Variants in PPME1 observed in about 807,000 individuals in gnomAD.
The protein encoded by PPME1 is testicular secretory protein Li 39.
Under a neutral mutation model 56.9 loss-of-function variants are expected in PPME1, and 17 were observed. The ratio of observed to expected loss-of-function variants is 0.30; its 90% CI spans 0.20 to 0.45. PPME1 has a LOEUF of 0.45. Ranked by LOEUF, PPME1 falls within the 20% of genes least tolerant of loss-of-function variation. PPME1 has a pLI of 1.00. For synonymous variants in PPME1, 122 were observed against 156.2 expected, an observed-to-expected ratio of 0.78 and a Z score of 1.63; for missense variants, 357 against 483.2, an observed-to-expected ratio of 0.74 and a Z score of 2.45.
intron 1 of PPME1, among the ~76,000 whole-genome samples, chr11:74,191,527 A>C (rs1247286041): frequency 2.0e-5 from 3 of 152,194 alleles, no homozygotes; most frequent in Non-Finnish European, 4.4e-5. Flanking sequence ...CAAGGTTTCA[A>C]AGTTGTTTCA....
intron 7 of PPME1, among the ~76,000 whole-genome samples, chr11:74,234,853 GAC>G (rs1859153152): frequency 6.6e-6 from 1 of 152,180 alleles, no homozygotes; most frequent in African/African-American, 2.4e-5. Context: ...GAAAAAAAGT[GAC>G]ACAGAAGAGA....
intron 11 of PPME1, chr11:74,249,632 T>C (rs1324304266): frequency 6.6e-6 from 1 of 152,226 alleles, no homozygotes; most frequent in African/African-American, 2.4e-5. Flanking sequence ...GACTTAAGCA[T>C]CTACTCAGTG....
At chr11:74,181,093 G>A (rs530668828) in intron 1 of PPME1, among the ~76,000 whole-genome samples, 50 of 145,158 alleles carry the variant, frequency 3.4e-4, no homozygotes, top group African/African-American at 1.0e-3. Flanking sequence ...GTCGGACTGC[G>A]GACTGCAGTG....
chr11:74,236,119 C>T (rs1859183856), intron 8 of PPME1, 153 bp downstream of exon 8: 1 of 1,266,716 alleles, frequency 7.9e-7, no homozygotes, highest in African/African-American at 1.5e-5. Flanking sequence ...TTGGGACAGA[C>T]ATAGATTTTC....
intron 7 of PPME1, among the ~76,000 whole-genome samples, chr11:74,234,504 C>T (rs1244736926): frequency 1.3e-5 from 2 of 152,010 alleles, no homozygotes; most frequent in East Asian, 3.9e-4. Context: ...AAAGGAAAAC[C>T]AGGTGAGTAT....
At chr11:74,195,563 C>A (rs1857959395) in intron 1 of PPME1, among the ~76,000 whole-genome samples, 1 of 152,182 alleles carries the variant, frequency 6.6e-6, no homozygotes, top group South Asian at 2.1e-4. Context: ...CATGTGTCTA[C>A]AAACATTCTT....
intron 8 of PPME1, chr11:74,238,531 AAAGG>A (rs1482594668): frequency 6.6e-6 from 1 of 152,070 alleles, no homozygotes; most frequent in Non-Finnish European, 1.5e-5. Flanking sequence ...AGTTCTCTCT[AAAGG>A]AAGTATGGTA....
At chr11:74,245,584 C>G (rs949508859) in intron 9 of PPME1, among the ~76,000 whole-genome samples, 7 of 152,138 alleles carry the variant, frequency 4.6e-5, no homozygotes, top group Admixed American at 6.5e-5. Context: ...AAAAAATGCT[C>G]TACTGACAAA....
chr11:74,183,524 T>A (rs1857594794), intron 1 of PPME1, among the ~76,000 whole-genome samples: 1 of 152,134 alleles, frequency 6.6e-6, no homozygotes, highest in Non-Finnish European at 1.5e-5. Flanking sequence ...ATTATATATA[T>A]GTCTCCATAA....
At chr11:74,200,314 C>A (rs1336152583) in intron 1 of PPME1, among the ~76,000 whole-genome samples, 2 of 151,294 alleles carry the variant, frequency 1.3e-5, no homozygotes, top group Non-Finnish European at 2.9e-5. Context: ...ATACTAGTTA[C>A]AAAATTAATT....
intron 8 of PPME1, 44 bp downstream of exon 8, chr11:74,236,010 A>G (rs1376288648): frequency 2.5e-6 from 4 of 1,596,818 alleles, no homozygotes; most frequent in Admixed American, 3.5e-5. Context: ...AGGCGGAAAC[A>G]TGGTGAGGGA....
intron 1 of PPME1, among the ~76,000 whole-genome samples, chr11:74,193,192 A>G (rs1484817205): frequency 1.3e-5 from 2 of 152,234 alleles, no homozygotes; most frequent in Non-Finnish European, 2.9e-5. Context: ...GAATAAGTGT[A>G]ATAAAAATGA....
chr11:74,218,253 AGAG>A (rs1302522635), intron 3 of PPME1, among the ~76,000 whole-genome samples: 2 of 152,182 alleles, frequency 1.3e-5, no homozygotes, highest in Non-Finnish European at 2.9e-5. Context: ...AAGAAATTGA[AGAG>A]GACACGAAAA....
At chr11:74,209,481 A>C (rs1271431868) in intron 3 of PPME1, among the ~76,000 whole-genome samples, 1 of 152,172 alleles carries the variant, frequency 6.6e-6, no homozygotes, top group African/African-American at 2.4e-5. Context: ...AAAATTAGGG[A>C]GTATGGAAAG....
chr11:74,225,067 A>G (rs1858899484), intron 4 of PPME1, 138 bp from the exon 5 acceptor site: 1 of 576,340 alleles, frequency 1.7e-6, no homozygotes, highest in Non-Finnish European at 3.0e-6. Flanking sequence ...TTTCTGAAGA[A>G]AATCCTTGCT....
rs1859654535 is a variant in PPME1, at chr11:74,251,338, A to G, written c.1075-310A>G. 9 of 1,355,864 alleles carry G rather than the reference A, an allele frequency of 6.6e-6. No individual in the cohort carries two copies. The Admixed American group carries it at 2.9e-4, about 43-fold the overall frequency. The allele number at this position is 1,355,864 out of a possible 1,614,324, so 84.0% of individuals were successfully genotyped here. The stretch of plus-strand genomic sequence containing the variant: ...GATTAGGGTAGAAACTGCTCCCTAA[A>G]CCACAGGCACAGTTAGGAATTAATA... On this transcript the variant is annotated intron_variant, in intron 12 of 13. Coordinates refer to ENST00000328257, the MANE Select transcript of PPME1 (RefSeq NM_016147.3).
At chr11:74,179,508 TATAAA>T (rs1857478463) in intron 1 of PPME1, among the ~76,000 whole-genome samples, 1 of 152,044 alleles carries the variant, frequency 6.6e-6, no homozygotes, top group African/African-American at 2.4e-5. Context: ...AAATAGTAAT[TATAAA>T]ATAAAAAGTC....
At chr11:74,181,503 T>G (rs1029455825) in intron 1 of PPME1, among the ~76,000 whole-genome samples, 2 of 152,264 alleles carry the variant, frequency 1.3e-5, no homozygotes, top group African/African-American at 4.8e-5. Context: ...TCACTGTTAC[T>G]GTGTCAGACT....
chr11:74,187,120 A>G (rs1857705957), intron 1 of PPME1, among the ~76,000 whole-genome samples: 1 of 152,218 alleles, frequency 6.6e-6, no homozygotes, highest in African/African-American at 2.4e-5. Context: ...CGATCAGTAT[A>G]CTGGTACTAC....
Sources: allele counts gnomAD v4.1 joint callset (sites outside exome capture counted in the v4.1 genomes callset), GRCh38; gene constraint gnomAD v4.1.1; transcripts MANE v1.5; gene names NCBI Gene and HGNC (gene_info 2026-07-23, HGNC 2026-07-21).